The following CCDC149 variants were observed in gnomAD, a reference collection of about 807,000 sequenced individuals.
CCDC149 encodes coiled-coil domain-containing protein 149.
CCDC149 carries 45 observed loss-of-function variants against 59.9 expected under a neutral mutation model. The ratio of observed to expected loss-of-function variants is 0.75; its 90% CI spans 0.59 to 0.96. The LOEUF is 0.96. Among genes scored for constraint, CCDC149 ranks in the 40% least tolerant of loss-of-function variants. CCDC149 has a pLI of 0.00. For missense variants in CCDC149, 584 were observed against 664.7 expected (o/e 0.88, Z 1.33); for synonymous variants, 245 against 260.6 (o/e 0.94, Z 0.58).
intron 1 of CCDC149, among the ~76,000 whole-genome samples, chr4:24,930,989 T>C (rs767842205): frequency 7.2e-5 from 11 of 152,104 alleles, no homozygotes; most frequent in Non-Finnish European, 1.6e-4. Flanking sequence ...GGTGTAATTA[T>C]TCCAGGTAAC....
intron 3 of CCDC149, among the ~76,000 whole-genome samples, chr4:24,871,807 G>C (rs1230031629): frequency 6.6e-6 from 1 of 152,214 alleles, no homozygotes. Context: ...AGAGCTGTAA[G>C]AATGCAGCTT....
At chr4:24,941,434 A>T (rs538843755) in intron 1 of CCDC149, among the ~76,000 whole-genome samples, 3 of 152,330 alleles carry the variant, frequency 2.0e-5, no homozygotes, top group African/African-American at 7.2e-5. Context: ...AATGCCCACA[A>T]GAGAAAGCAG....
intron 4 of CCDC149, among the ~76,000 whole-genome samples, chr4:24,843,492 C>A (rs891609342): frequency 1.3e-5 from 2 of 152,130 alleles, no homozygotes; most frequent in African/African-American, 2.4e-5. Flanking sequence ...CAAATACCTT[C>A]AAAAAAACTG....
intron 1 of CCDC149, among the ~76,000 whole-genome samples, chr4:24,910,602 A>T (rs889336881): frequency 6.6e-6 from 1 of 152,190 alleles, no homozygotes; most frequent in African/African-American, 2.4e-5. Context: ...TGCGGACTCA[A>T]AGTTGAATCA....
intron 4 of CCDC149, among the ~76,000 whole-genome samples, chr4:24,839,040 A>T (rs2109146458): frequency 7.6e-6 from 1 of 131,738 alleles, no homozygotes; most frequent in African/African-American, 2.6e-5. Context: ...ACACACACAC[A>T]CACACACACA....
chr4:24,935,140 C>T lies in CCDC149; in HGVS notation c.-64-40022G>A, dbSNP rs769030868. On this transcript the variant is annotated intron_variant, in intron 1 of 12. Transcript: ENST00000389609. ...GTGGCTTAGACCAGAGAAGTAGCAA[C>T]GGAGATGCAAGAATTTATCAGATTC... is the stretch of plus-strand genomic sequence containing the variant. Among the ~76,000 whole-genome samples, 97 of 152,214 alleles carry T rather than the reference C, an allele frequency of 6.4e-4. 1 individual carries two copies. Among genetic ancestry groups the T allele is most frequent in the Non-Finnish European group, 1.1e-3 (73 of 68,014 alleles).
chr4:24,896,634 G>C (rs964308140), intron 1 of CCDC149, among the ~76,000 whole-genome samples: 1 of 152,084 alleles, frequency 6.6e-6, no homozygotes, highest in Non-Finnish European at 1.5e-5. Context: ...CAATATATCT[G>C]AGATAATAAA....
chr4:24,925,066 A>T (rs1156601140), intron 1 of CCDC149, among the ~76,000 whole-genome samples: 2 of 152,210 alleles, frequency 1.3e-5, no homozygotes, highest in African/African-American at 2.4e-5. Flanking sequence ...CCTTAGGTAC[A>T]GTTTTTTGGG....
At chr4:24,873,225 C>T (rs1719164118) in intron 3 of CCDC149, among the ~76,000 whole-genome samples, 1 of 152,092 alleles carries the variant, frequency 6.6e-6, no homozygotes, top group African/African-American at 2.4e-5. Flanking sequence ...GGTATGTACC[C>T]ATAGGAGAGT....
At chr4:24,961,350 G>C (rs1032263389) in intron 1 of CCDC149, among the ~76,000 whole-genome samples, 11 of 152,134 alleles carry the variant, frequency 7.2e-5, no homozygotes, top group African/African-American at 2.4e-4. Context: ...CTCATGGGTA[G>C]GAAGAATCAA....
At chr4:24,940,166 A>C (rs567094706) in intron 1 of CCDC149, among the ~76,000 whole-genome samples, 83 of 152,358 alleles carry the variant, frequency 5.4e-4, no homozygotes, top group African/African-American at 1.8e-3. Flanking sequence ...TTACCCACAA[A>C]AGGAAGCCCA....
chr4:24,839,019 C>G (rs1318164346), intron 4 of CCDC149, among the ~76,000 whole-genome samples: 41 of 109,866 alleles, frequency 3.7e-4, no homozygotes, highest in African/African-American at 1.6e-3. Flanking sequence ...CTCTCTCTCT[C>G]TCTCTCTCTC....
intron 12 of CCDC149, among the ~76,000 whole-genome samples, chr4:24,809,027 A>G (rs998794245): frequency 6.6e-6 from 1 of 152,196 alleles, no homozygotes; most frequent in Non-Finnish European, 1.5e-5. Context: ...TGATTCCTGC[A>G]TTATTAACAG....
chr4:24,833,984 C>G (rs1716334901), intron 8 of CCDC149, among the ~76,000 whole-genome samples: 1 of 152,220 alleles, frequency 6.6e-6, no homozygotes, highest in Non-Finnish European at 1.5e-5. Flanking sequence ...AGTGATAACA[C>G]TGGGTATCAA....
intron 1 of CCDC149, among the ~76,000 whole-genome samples, chr4:24,936,242 G>T (rs1484670264): frequency 6.6e-6 from 1 of 152,038 alleles, no homozygotes; most frequent in Non-Finnish European, 1.5e-5. Flanking sequence ...TCAGTGGGGG[G>T]TATGAATAAG....
intron 4 of CCDC149, among the ~76,000 whole-genome samples, chr4:24,839,923 G>C (rs1327769011): frequency 2.0e-5 from 3 of 152,198 alleles, no homozygotes; most frequent in African/African-American, 7.2e-5. Flanking sequence ...ATCCGACCCA[G>C]CCAGGAGTGC....
At chr4:24,853,962 T>C (rs1717841966) in intron 3 of CCDC149, among the ~76,000 whole-genome samples, 1 of 152,166 alleles carries the variant, frequency 6.6e-6, no homozygotes, top group Non-Finnish European at 1.5e-5. Flanking sequence ...CCCATCTTCA[T>C]GACATCATCC....
intron 12 of CCDC149, among the ~76,000 whole-genome samples, chr4:24,813,409 C>A (rs990845458): frequency 1.3e-5 from 2 of 150,492 alleles, no homozygotes; most frequent in Admixed American, 1.3e-4. Context: ...CTTCTCCTTG[C>A]CCAATACCAA....
At chr4:24,823,481 A>G (rs1378089237) in intron 9 of CCDC149, among the ~76,000 whole-genome samples, 2 of 152,220 alleles carry the variant, frequency 1.3e-5, no homozygotes, top group African/African-American at 4.8e-5. Flanking sequence ...TTGAAAAACC[A>G]GTCTTTATTT....
Sources: allele counts gnomAD v4.1 joint callset (sites outside exome capture counted in the v4.1 genomes callset), GRCh38; gene constraint gnomAD v4.1.1; transcripts MANE v1.5; gene names NCBI Gene and HGNC (gene_info 2026-07-23, HGNC 2026-07-21).